The following PDE10A variants were observed in gnomAD, a reference collection of about 807,000 sequenced individuals.
PDE10A encodes cAMP and cAMP-inhibited cGMP 3',5'-cyclic phosphodiesterase 10A.
A neutral mutation model predicts 97.7 loss-of-function variants in PDE10A; 39 were observed. That is an observed-to-expected ratio of 0.40 (90% CI 0.31 to 0.52). The LOEUF is 0.52. Ranked by LOEUF, PDE10A falls within the 20% of genes least tolerant of loss-of-function variation. The pLI, the probability that PDE10A is intolerant of heterozygous loss-of-function variation, is 0.56. For synonymous variants in PDE10A, 371 were observed against 376.8 expected, an observed-to-expected ratio of 0.98 and a Z score of 0.18; for missense variants, 731 against 1,047.8, an observed-to-expected ratio of 0.70 and a Z score of 4.17.
intron 1 of PDE10A, among the ~76,000 whole-genome samples, chr6:165,585,916 G>A (rs1172370223): frequency 6.6e-6 from 1 of 152,094 alleles, no homozygotes; most frequent in East Asian, 1.9e-4. Context: ...TAAGTAATCA[G>A]CTCTTGAAGC....
chr6:165,450,603 C>T (rs892257770), intron 3 of PDE10A, among the ~76,000 whole-genome samples: 1 of 151,936 alleles, frequency 6.6e-6, no homozygotes, highest in Admixed American at 6.6e-5. Flanking sequence ...CTCTGTTACC[C>T]AGGCTGGAAT....
chr6:165,902,860 A>C (rs1782152830), intron 1 of PDE10A, among the ~76,000 whole-genome samples: 1 of 152,238 alleles, frequency 6.6e-6, no homozygotes. Context: ...GCAGAAGAAA[A>C]GGTCCTGGGT....
chr6:165,618,852 T>C (rs1453256587), intron 1 of PDE10A, among the ~76,000 whole-genome samples: 4 of 152,228 alleles, frequency 2.6e-5, no homozygotes, highest in Non-Finnish European at 5.9e-5. Context: ...ATTAAATGAA[T>C]GTTACATAGG....
At chr6:165,651,595 T>C (rs955371560) in intron 1 of PDE10A, among the ~76,000 whole-genome samples, 1 of 152,160 alleles carries the variant, frequency 6.6e-6, no homozygotes, top group South Asian at 2.1e-4. Flanking sequence ...CTTACAGGAT[T>C]TGGGGCAATA....
chr6:165,876,050 T>A (rs751309792), intron 1 of PDE10A, among the ~76,000 whole-genome samples: 11 of 152,020 alleles, frequency 7.2e-5, no homozygotes, highest in Non-Finnish European at 1.5e-4. Context: ...ATAAAATGAG[T>A]CTTACACATT....
intron 18 of PDE10A, among the ~76,000 whole-genome samples, chr6:165,357,895 ACT>A (rs889079973): frequency 1.3e-5 from 2 of 151,888 alleles, no homozygotes; most frequent in African/African-American, 2.4e-5. Context: ...GCTTTAATTT[ACT>A]CTTTTTTTCT....
chr6:165,498,271 G>A (rs915080271), intron 2 of PDE10A, among the ~76,000 whole-genome samples: 2 of 150,634 alleles, frequency 1.3e-5, no homozygotes, highest in African/African-American at 4.9e-5. Flanking sequence ...ATAGCCAGGC[G>A]CAGTGGCATG....
intron 1 of PDE10A, among the ~76,000 whole-genome samples, chr6:165,914,662 G>A (rs1202822092): frequency 2.6e-5 from 4 of 152,218 alleles, no homozygotes; most frequent in Non-Finnish European, 5.9e-5. Context: ...TCCTCGGGCA[G>A]TTCTTCCTTT....
At chr6:165,641,319 T>C (rs1474799416) in intron 1 of PDE10A, among the ~76,000 whole-genome samples, 1 of 152,188 alleles carries the variant, frequency 6.6e-6, no homozygotes, top group Non-Finnish European at 1.5e-5. Flanking sequence ...AACAGAACTG[T>C]AAACCTCAAG....
chr6:165,754,545 T>C (rs1793074606), intron 1 of PDE10A, among the ~76,000 whole-genome samples: 1 of 152,206 alleles, frequency 6.6e-6, no homozygotes, highest in African/African-American at 2.4e-5. Flanking sequence ...TCTAGAGATA[T>C]AGGCAACCAA....
At chr6:165,454,267 T>C (rs949330297) in intron 3 of PDE10A, among the ~76,000 whole-genome samples, 1 of 152,220 alleles carries the variant, frequency 6.6e-6, no homozygotes, top group East Asian at 1.9e-4. Flanking sequence ...GTCTCACTCA[T>C]ACCTGATTTA....
intron 1 of PDE10A, among the ~76,000 whole-genome samples, chr6:165,584,371 T>G (rs988377509): frequency 1.3e-5 from 2 of 152,194 alleles, no homozygotes; most frequent in African/African-American, 4.8e-5. Context: ...GGTACTTTTC[T>G]TCCCTTTGAT....
intron 1 of PDE10A, chr6:165,947,156 C>A (rs370488637): frequency 1.4e-4 from 21 of 152,152 alleles, no homozygotes; most frequent in Non-Finnish European, 2.8e-4. Flanking sequence ...ATCTTCTGGG[C>A]GTGTCTGGGT....
chr6:165,363,428 T>C (rs937409608), intron 18 of PDE10A, among the ~76,000 whole-genome samples: 2 of 151,916 alleles, frequency 1.3e-5, no homozygotes, highest in African/African-American at 2.4e-5. Flanking sequence ...GGCAGGAGAA[T>C]TGCTTGAACC....
At chr6:165,934,559 A>T (rs1207664201) in intron 1 of PDE10A, among the ~76,000 whole-genome samples, 1 of 152,132 alleles carries the variant, frequency 6.6e-6, no homozygotes, top group Non-Finnish European at 1.5e-5. Flanking sequence ...TGCATTTATT[A>T]TATCTTGCTT....
At chr6:165,491,862 G>A (rs1162474395) in intron 2 of PDE10A, among the ~76,000 whole-genome samples, 1 of 151,652 alleles carries the variant, frequency 6.6e-6, no homozygotes, top group African/African-American at 2.4e-5. Flanking sequence ...AGCAAGATCA[G>A]AGCAGAACTA....
At chr6:165,952,090 G>C (rs570267260) in intron 1 of PDE10A, among the ~76,000 whole-genome samples, 1 of 152,348 alleles carries the variant, frequency 6.6e-6, no homozygotes, top group African/African-American at 2.4e-5. Context: ...TAACGAGGCA[G>C]AGACATTAAA....
intron 2 of PDE10A, among the ~76,000 whole-genome samples, chr6:165,539,674 C>T (rs1264938151): frequency 6.6e-6 from 1 of 152,052 alleles, no homozygotes; most frequent in Non-Finnish European, 1.5e-5. Context: ...GCAAGCCCAG[C>T]GCTCCGGGAG....
intron 1 of PDE10A, among the ~76,000 whole-genome samples, chr6:165,763,105 G>A (rs550343892): frequency 6.6e-5 from 10 of 152,264 alleles, no homozygotes; most frequent in Admixed American, 2.0e-4. Context: ...CAGCTGGAGC[G>A]TTTCCACCAT....
Sources: allele counts gnomAD v4.1 joint callset (sites outside exome capture counted in the v4.1 genomes callset), GRCh38; gene constraint gnomAD v4.1.1; transcripts MANE v1.5; gene names NCBI Gene and HGNC (gene_info 2026-07-23, HGNC 2026-07-21).